GPLD1: variants seen among roughly 807,000 people sequenced by gnomAD.
The protein encoded by GPLD1 is glycosylphosphatidylinositol specific phospholipase D1, also known as phosphatidylinositol-glycan-specific phospholipase D.
Under a neutral mutation model 112.6 loss-of-function variants are expected in GPLD1, and 84 were observed. That is an observed-to-expected ratio of 0.75 (90% CI 0.63 to 0.89). The LOEUF is 0.89. Ranked by LOEUF, GPLD1 falls within the 40% of genes least tolerant of loss-of-function variation. The pLI is 0.00. For synonymous variants in GPLD1, 386 were observed against 403.8 expected (o/e 0.96, Z 0.53); for missense variants, 1,044 against 1,051.5 (o/e 0.99, Z 0.10).
intron 20 of GPLD1, among the ~76,000 whole-genome samples, chr6:24,437,924 C>A (rs793672): frequency 0.67 from 101,296 of 152,030 alleles, 36,555 homozygotes; most frequent in Non-Finnish European, 0.82. Flanking sequence ...GGCCGCTTCC[C>A]TGTGCTCCCA....
chr6:24,439,147 G>A (rs1762669931), intron 20 of GPLD1, among the ~76,000 whole-genome samples: 1 of 152,182 alleles, frequency 6.6e-6, no homozygotes, highest in South Asian at 2.1e-4. Context: ...CAGGAATCCA[G>A]TAACACTTCC....
chr6:24,456,755 CAATAA>C, intron 12 of GPLD1, 118 bp from the exon 13 acceptor site: 1 of 630,598 alleles, frequency 1.6e-6, no homozygotes, highest in African/African-American at 1.8e-5. Flanking sequence ...AAGTGCTAAA[CAATAA>C]AATAAAACAT....
At chr6:24,480,915 A>G (rs891655158) in intron 2 of GPLD1, among the ~76,000 whole-genome samples, 1 of 152,230 alleles carries the variant, frequency 6.6e-6, no homozygotes, top group Non-Finnish European at 1.5e-5. Flanking sequence ...CAGAGGTAGC[A>G]CAGCCCCTCG....
chr6:24,443,266 G>A (rs148056693), intron 20 of GPLD1, among the ~76,000 whole-genome samples: 2 of 152,278 alleles, frequency 1.3e-5, no homozygotes, highest in East Asian at 3.9e-4. Flanking sequence ...AGCAAAGGCA[G>A]CTAGCTCCCG....
chr6:24,458,913 G>A (rs1763347603), intron 12 of GPLD1, among the ~76,000 whole-genome samples: 1 of 151,996 alleles, frequency 6.6e-6, no homozygotes, highest in Non-Finnish European at 1.5e-5. Flanking sequence ...TTAAGGCAGT[G>A]ACAGCAGTAT....
exon 1 of GPLD1, chr6:24,495,087 C>T: frequency 7.6e-7 from 1 of 1,323,060 alleles, no homozygotes; most frequent in Non-Finnish European, 9.6e-7. Context: ...CGCCGGCGGC[C>T]TGGTCCCTGC....
rs1764281871 is a variant in GPLD1 at position 24,483,833 on chromosome 6, T to C, written c.153+2242A>G. On this transcript the variant is annotated intron_variant, in intron 2 of 24. Transcript: ENST00000230036. ...ATCTTGGCTCACTGCAGCCTCTGCT[T>C]CCGGGGTTCAAGCGATTCTCCTGCC... Among the ~76,000 whole-genome samples, 8 of 151,312 alleles carry C rather than the reference T, an allele frequency of 5.3e-5. No individual in the cohort carries two copies. The South Asian group carries it at 1.7e-3, about 32-fold the overall frequency.
intron 2 of GPLD1, among the ~76,000 whole-genome samples, chr6:24,484,372 C>G (rs1050617979): frequency 6.6e-6 from 1 of 152,072 alleles, no homozygotes; most frequent in Non-Finnish European, 1.5e-5. Context: ...TCTGCCACCA[C>G]GGCCAGCTAA....
At chr6:24,451,893 G>A (rs1347285413) in intron 14 of GPLD1, among the ~76,000 whole-genome samples, 2 of 152,302 alleles carry the variant, frequency 1.3e-5, no homozygotes, top group East Asian at 3.9e-4. Flanking sequence ...GCCAGCTGAG[G>A]ACTGGTTCAT....
At chr6:24,424,609 G>A (rs1251355680), downstream of GPLD1, 1 of 152,100 alleles carries the variant, frequency 6.6e-6, no homozygotes, top group Non-Finnish European at 1.5e-5. Flanking sequence ...GCTAATATTT[G>A]TAAGCCTGAA....
intron 12 of GPLD1, among the ~76,000 whole-genome samples, chr6:24,459,956 T>C (rs1179358716): frequency 6.6e-6 from 1 of 152,128 alleles, no homozygotes; most frequent in South Asian, 2.1e-4. Context: ...TGGAGTGCAC[T>C]GGCATGATCA....
chr6:24,459,711 C>G (rs1488549317), intron 12 of GPLD1, among the ~76,000 whole-genome samples: 1 of 152,218 alleles, frequency 6.6e-6, no homozygotes, highest in South Asian at 2.1e-4. Flanking sequence ...AGTAGAGTGT[C>G]TTCACTTAAC....
chr6:24,461,791 T>C (rs1222972233), intron 11 of GPLD1, among the ~76,000 whole-genome samples: 1 of 152,254 alleles, frequency 6.6e-6, no homozygotes, highest in Non-Finnish European at 1.5e-5. Flanking sequence ...GAACTGTTTC[T>C]GTCTTGTTCA....
In GPLD1 at chr6:24,481,343, C is replaced by T. The variant is rs868215616; in HGVS notation, c.154-1384G>A. Reference sequence around the variant, plus strand: ...AGTAAAAGTTTGGCAATATCCCGCCCTTTTTTTTTTTTTTTTAAATAAGAA... The same window carrying T: ...AGTAAAAGTTTGGCAATATCCCGCCTTTTTTTTTTTTTTTTTAAATAAGAA... On this transcript the variant is annotated intron_variant, in intron 2 of 24. Transcript: ENST00000230036. 2.4e-3 allele frequency among the ~76,000 whole-genome samples: 352 copies of T among 143,982 alleles called. 4 individuals are homozygous for T. Among genetic ancestry groups the T allele is most frequent in the African/African-American group, 7.7e-3 (305 of 39,766 alleles). 94.5% of individuals were successfully genotyped at this position (143,982 alleles called of 152,430 possible).
intron 6 of GPLD1, chr6:24,472,932 C>A (rs535490965): frequency 2.4e-5 from 6 of 245,424 alleles, no homozygotes; most frequent in African/African-American, 9.2e-5. Flanking sequence ...TGCGCCACCA[C>A]GCCCAGCTAA....
chr6:24,480,636 GTCC>G (rs1764170579), intron 2 of GPLD1, among the ~76,000 whole-genome samples: 1 of 148,318 alleles, frequency 6.7e-6, no homozygotes, highest in Non-Finnish European at 1.5e-5. Flanking sequence ...GTAAGATGAC[GTCC>G]TTTGTGTTTT....
rs955201638 is a variant in GPLD1, at chr6:24,437,028, G to A, written c.2197+85C>T. The A allele has an allele frequency of 8.2e-6, 10 of 1,213,270 alleles. No individual in the cohort carries two copies. In the African/African-American group the frequency reaches 1.3e-4, roughly 16 times the overall value. 75.2% of individuals were successfully genotyped at this position (1,213,270 alleles called of 1,614,324 possible). On this transcript the variant is annotated intron_variant, in intron 21 of 24. Coordinates refer to ENST00000230036, the MANE Select transcript of GPLD1 (RefSeq NM_001503.4). ...GGCCACTGGGCTGTCAATTATAAGG[G>A]CAGAGCCCAGATGACCCAATTAGGG...
At chr6:24,458,787 G>T (rs971651137) in intron 12 of GPLD1, among the ~76,000 whole-genome samples, 2 of 151,970 alleles carry the variant, frequency 1.3e-5, no homozygotes, top group East Asian at 3.9e-4. Flanking sequence ...GCTGAGGCAG[G>T]GAATTGCTTG....
At chr6:24,461,690 C>T (rs1763442919) in intron 11 of GPLD1, among the ~76,000 whole-genome samples, 1 of 152,150 alleles carries the variant, frequency 6.6e-6, no homozygotes, top group Non-Finnish European at 1.5e-5. Flanking sequence ...ATCCCCAGAG[C>T]ACCTTGCATT....
Sources: gnomAD v4.1 joint callset for allele counts (sites outside exome capture counted in the v4.1 genomes callset) on GRCh38, gnomAD v4.1.1 for gene constraint, MANE v1.5 for transcripts, NCBI Gene and HGNC (gene_info 2026-07-23, HGNC 2026-07-21) for gene names.